NOXRED1: variants seen among roughly 807,000 people sequenced by gnomAD.
The protein encoded by NOXRED1 is NADP dependent oxidoreductase domain containing 1, also known as NADP-dependent oxidoreductase domain-containing protein 1.
Under a neutral mutation model 30.4 loss-of-function variants are expected in NOXRED1, and 20 were observed. The observed-to-expected ratio is 0.66, with a 90% confidence interval of 0.46 to 0.96. The LOEUF (loss-of-function observed/expected upper bound fraction) is 0.96. Ranked by LOEUF, NOXRED1 falls within the 40% of genes least tolerant of loss-of-function variation. The pLI, the probability that NOXRED1 is intolerant of heterozygous loss-of-function variation, is 0.00. For synonymous variants in NOXRED1, 155 were observed against 168.0 expected, an observed-to-expected ratio of 0.92 and a Z score of 0.60; for missense variants, 374 against 428.0, an observed-to-expected ratio of 0.87 and a Z score of 1.11.
At chr14:77,414,838 G>GT (rs1256228833) in intron 1 of NOXRED1, among the ~76,000 whole-genome samples, 1 of 151,966 alleles carries the variant, frequency 6.6e-6, no homozygotes, top group Non-Finnish European at 1.5e-5. Context: ...CTCATGTTTT[G>GT]TTTGTTTCTG....
chr14:77,416,651 C>G (rs1328555104), intron 1 of NOXRED1, among the ~76,000 whole-genome samples: 2 of 152,264 alleles, frequency 1.3e-5, no homozygotes, highest in East Asian at 1.9e-4. Context: ...TTTTCCCCAC[C>G]CTTCCCCCCT....
chr14:77,421,006 C>A (rs1257923337), intron 1 of NOXRED1, among the ~76,000 whole-genome samples: 1 of 152,168 alleles, frequency 6.6e-6, no homozygotes, highest in Non-Finnish European at 1.5e-5. Flanking sequence ...TTGTTTTCAT[C>A]CAAAATATGT....
Position 77,394,744 on chromosome 14 carries a change from G to C in NOXRED1, c.967C>G (p.Leu323Val). The change falls in exon 6 of 6, where the codon CTC becomes GTC. Residue 323 changes from leucine (L) to valine (V), a missense_variant. Coordinates refer to ENST00000380835, the MANE Select transcript of NOXRED1 (RefSeq NM_001113475.3). ...QLKETPFSQH[L>V]SSSPVLQDHL... ...TCTTGGAGAACAGGACTACTTGAGA[G>C]ATGCTGGCTAAACGGAGTTTCCTTG... The C allele has an allele frequency of 1.9e-6, 3 of 1,613,438 alleles. No individual in the cohort carries two copies. Among genetic ancestry groups the C allele is most frequent in the Non-Finnish European group, 2.5e-6 (3 of 1,179,364 alleles).
At chr14:77,410,597 T>A (rs1594875512) in intron 2 of NOXRED1, among the ~76,000 whole-genome samples, 1 of 152,078 alleles carries the variant, frequency 6.6e-6, no homozygotes, top group Admixed American at 6.6e-5. Flanking sequence ...GGTGACAAAG[T>A]GAGACTCCAT....
upstream of NOXRED1, among the ~76,000 whole-genome samples, chr14:77,423,990 C>G (rs1203094308): frequency 6.6e-6 from 1 of 152,224 alleles, no homozygotes; most frequent in Non-Finnish European, 1.5e-5. Flanking sequence ...CTCCCTATCC[C>G]TCCCCACCCT....
upstream of NOXRED1, among the ~76,000 whole-genome samples, chr14:77,424,123 G>C (rs1173262018): frequency 6.6e-6 from 1 of 152,166 alleles, no homozygotes; most frequent in Non-Finnish European, 1.5e-5. Flanking sequence ...CCCTTTTATA[G>C]GAAGGCTGTT....
intron 5 of NOXRED1, among the ~76,000 whole-genome samples, chr14:77,403,548 C>T (rs971793845): frequency 2.4e-4 from 36 of 151,612 alleles, no homozygotes; most frequent in African/African-American, 8.2e-4. Flanking sequence ...CCCAGCTACT[C>T]GGGAGGCTGA....
rs1203565498 is a variant in NOXRED1 at position 77,413,948 on chromosome 14, CTCCGAGTGGAGATCCGCAGGCT to C, written c.313_334del (p.Ser105GlyfsTer23). 1 of 1,591,052 alleles carries C rather than the reference CTCCGAGTGGAGATCCGCAGGCT, an allele frequency of 6.3e-7. No individual in the cohort carries two copies. Among genetic ancestry groups the C allele is most frequent in the South Asian group, 1.1e-5 (1 of 88,976 alleles). ...CTGCTCCTCACCCAGAGTCTCTGGC[CTCCGAGTGGAGATCCGCAGGCT>C]TTCAGCAGGGATGGGGCCAAGCTGC... On this transcript the variant is annotated frameshift_variant, in exon 2 of 6. Coordinates refer to ENST00000380835, the MANE Select transcript of NOXRED1 (RefSeq NM_001113475.3). LOFTEE classifies it high-confidence loss of function.
At chr14:77,410,717 G>C (rs1270440139) in intron 2 of NOXRED1, among the ~76,000 whole-genome samples, 1 of 152,008 alleles carries the variant, frequency 6.6e-6, no homozygotes, top group Non-Finnish European at 1.5e-5. Context: ...CAGAAAAAAT[G>C]ACATAGTAAT....
At chr14:77,408,571 A>G (rs917083858) in intron 2 of NOXRED1, among the ~76,000 whole-genome samples, 4 of 152,098 alleles carry the variant, frequency 2.6e-5, no homozygotes, top group Non-Finnish European at 5.9e-5. Context: ...ACCATGTGTC[A>G]GATAATGTAC....
At chr14:77,406,551 A>G in intron 4 of NOXRED1, 173 bp downstream of exon 4, 1 of 755,718 alleles carries the variant, frequency 1.3e-6, no homozygotes. Context: ...CAAGCTTCTC[A>G]GCTCTTCCTA....
chr14:77,406,916 G>A, intron 3 of NOXRED1, 41 bp from the exon 4 acceptor site: 1 of 1,575,500 alleles, frequency 6.3e-7, no homozygotes, highest in Non-Finnish European at 8.7e-7. Context: ...TGCCAGGACT[G>A]GAATAAATGA....
At chr14:77,415,209 C>G (rs984088474) in intron 1 of NOXRED1, among the ~76,000 whole-genome samples, 1 of 113,234 alleles carries the variant, frequency 8.8e-6, no homozygotes, top group Admixed American at 9.4e-5. Flanking sequence ...CACACACACA[C>G]ACACACACAC....
At chr14:77,394,964 A>G (rs1315265655) in intron 5 of NOXRED1, among the ~76,000 whole-genome samples, 159 bp from the exon 6 acceptor site, 1 of 152,216 alleles carries the variant, frequency 6.6e-6, no homozygotes, top group Non-Finnish European at 1.5e-5. Context: ...GAACTAGTCA[A>G]TGTGTAGATT....
At chr14:77,417,066 G>A (rs1236416049) in intron 1 of NOXRED1, among the ~76,000 whole-genome samples, 1 of 150,868 alleles carries the variant, frequency 6.6e-6, no homozygotes, top group East Asian at 1.9e-4. Context: ...TTGTTCAAGA[G>A]TTGTGTTGAC....
intron 1 of NOXRED1, among the ~76,000 whole-genome samples, chr14:77,418,262 G>A (rs998832961): frequency 2.0e-4 from 30 of 151,858 alleles, no homozygotes; most frequent in Non-Finnish European, 8.8e-5. Flanking sequence ...AGCCTCCCAG[G>A]TAGCTGGGAC....
chr14:77,404,930 T>C (rs1028230013), intron 5 of NOXRED1, among the ~76,000 whole-genome samples: 2 of 152,212 alleles, frequency 1.3e-5, no homozygotes, highest in African/African-American at 4.8e-5. Flanking sequence ...AGTTATCAGA[T>C]ATTAAAGAAG....
At position 77,396,439 on chromosome 14, in the gene NOXRED1, G is replaced by T. The variant is rs140156223; in HGVS notation, c.906-1634C>A. 7.0e-3 allele frequency among the ~76,000 whole-genome samples: 1,057 copies of T among 151,954 alleles called. 19 individuals carry two copies. Among genetic ancestry groups the T allele is most frequent in the South Asian group, 0.037 (178 of 4,810 alleles). ...TAATTTTGTATTTTTAATAGAGATG[G>T]GGTTTCTCCATGTTCATCAGGCTAG... On this transcript the variant is annotated intron_variant, in intron 5 of 5. Coordinates refer to ENST00000380835, the MANE Select transcript of NOXRED1 (RefSeq NM_001113475.3).
At chr14:77,412,319 G>GAAAAC (rs1427987521) in intron 2 of NOXRED1, among the ~76,000 whole-genome samples, 1 of 151,968 alleles carries the variant, frequency 6.6e-6, no homozygotes, top group Non-Finnish European at 1.5e-5. Flanking sequence ...ATCCTGAGAT[G>GAAAAC]AAAACAGAGA....
Sources: gnomAD v4.1 joint callset for allele counts (sites outside exome capture counted in the v4.1 genomes callset) on GRCh38, gnomAD v4.1.1 for gene constraint, MANE v1.5 for transcripts, NCBI Gene and HGNC (gene_info 2026-07-23, HGNC 2026-07-21) for gene names.